SH3GL3: variants seen among roughly 807,000 people sequenced by gnomAD.
SH3GL3 encodes endophilin-A3.
SH3GL3 carries 33 observed loss-of-function variants against 47.7 expected under a neutral mutation model. The ratio of observed to expected loss-of-function variants is 0.69; its 90% CI spans 0.52 to 0.92. The LOEUF (loss-of-function observed/expected upper bound fraction) is 0.92, where lower values mean the gene tolerates loss of function less well. SH3GL3 is among the 40% of genes least tolerant of loss of function. The pLI is 0.00. For missense variants in SH3GL3, 363 were observed against 417.8 expected (o/e 0.87, Z 1.14); for synonymous variants, 155 against 148.8 (o/e 1.04, Z -0.30).
chr15:83,592,090 C>A (rs1291129011), intron 8 of SH3GL3, among the ~76,000 whole-genome samples: 1 of 152,206 alleles, frequency 6.6e-6, no homozygotes, highest in African/African-American at 2.4e-5. Flanking sequence ...ACTTTCAACT[C>A]TTTTACATAT....
intron 2 of SH3GL3, among the ~76,000 whole-genome samples, chr15:83,564,318 C>T (rs998383587): frequency 1.5e-4 from 23 of 152,262 alleles, no homozygotes; most frequent in Middle Eastern, 3.4e-3. Context: ...CATATCTTTA[C>T]AAAATTGAGT....
At chr15:83,508,523 G>C (rs1026064583) in intron 1 of SH3GL3, among the ~76,000 whole-genome samples, 5 of 152,090 alleles carry the variant, frequency 3.3e-5, no homozygotes, top group Non-Finnish European at 7.4e-5. Context: ...GACTGACACT[G>C]AGTGAAGAGA....
At chr15:83,555,668 A>G (rs988488531) in intron 1 of SH3GL3, among the ~76,000 whole-genome samples, 1 of 152,144 alleles carries the variant, frequency 6.6e-6, no homozygotes, top group East Asian at 1.9e-4. Context: ...AGCATCAGAC[A>G]GGGGTTTACA....
chr15:83,495,700 G>A (rs1454360693), intron 1 of SH3GL3, among the ~76,000 whole-genome samples: 1 of 152,106 alleles, frequency 6.6e-6, no homozygotes, highest in Non-Finnish European at 1.5e-5. Context: ...TTGCACCACT[G>A]CACTCCAGCC....
intron 8 of SH3GL3, among the ~76,000 whole-genome samples, chr15:83,597,908 C>T (rs944634907): frequency 7.9e-5 from 12 of 152,132 alleles, no homozygotes; most frequent in Non-Finnish European, 1.5e-4. Context: ...ACGCCTGGCC[C>T]TTAATTATGC....
rs140576506 is a variant in SH3GL3, at chr15:83,552,095, C to T, written c.46-7158C>T. ...ATCTCTATTACAGAATAGTATTGAT[C>T]TCATTGTGGATTGCTGTTTGTGTTT... is the stretch of plus-strand genomic sequence containing the variant. On this transcript the variant is annotated intron_variant, in intron 1 of 8. Transcript: ENST00000427482. Among the ~76,000 whole-genome samples, 652 of 152,208 alleles carry T rather than the reference C, an allele frequency of 4.3e-3. 4 individuals are homozygous for T. The highest frequency in any genetic ancestry group is 0.014 in the African/African-American group (594 of 41,536).
the SH3GL3 span, among the ~76,000 whole-genome samples, chr15:83,629,420 T>C: frequency 2.6e-5 from 4 of 152,252 alleles, no homozygotes. Flanking sequence ...TCAATTTATT[T>C]CCAACAAAGG....
At chr15:83,616,414 C>G (rs1026270598) in intron 8 of SH3GL3, among the ~76,000 whole-genome samples, 1 of 151,870 alleles carries the variant, frequency 6.6e-6, no homozygotes, top group Non-Finnish European at 1.5e-5. Flanking sequence ...CCACCACGCC[C>G]GGCTAATTTT....
At chr15:83,538,325 A>G (rs2151694728) in intron 1 of SH3GL3, among the ~76,000 whole-genome samples, 1 of 152,368 alleles carries the variant, frequency 6.6e-6, no homozygotes, top group Non-Finnish European at 1.5e-5. Flanking sequence ...AATATTAAAC[A>G]CATTGAATGC....
At chr15:83,565,270 G>T in intron 3 of SH3GL3, 64 bp downstream of exon 3, 1 of 901,386 alleles carries the variant, frequency 1.1e-6, no homozygotes, top group South Asian at 1.4e-5. Flanking sequence ...TGTTTACTTG[G>T]TGTTTAGTTG....
chr15:83,537,972 A>G (rs369614530), intron 1 of SH3GL3, among the ~76,000 whole-genome samples: 1 of 152,112 alleles, frequency 6.6e-6, no homozygotes, highest in African/African-American at 2.4e-5. Flanking sequence ...TCTTGATTCA[A>G]TTTCTGTAAT....
Position 83,571,073 on chromosome 15 carries a change from G to T in SH3GL3, c.332-1492G>T, listed in dbSNP as rs2045790934. 1.3e-5 allele frequency among the ~76,000 whole-genome samples: 2 copies of T among 152,330 alleles called. 1 individual carries two copies. The highest frequency in any genetic ancestry group is 4.1e-4 in the South Asian group (2 of 4,832). ...GGATTTCTGCTCTTCCAAGGAAGAGGCTGTGCCGTTGGATGTTTTCTTTTG... is the reference window on the plus strand; with the variant it reads ...GGATTTCTGCTCTTCCAAGGAAGAGTCTGTGCCGTTGGATGTTTTCTTTTG... On this transcript the variant is annotated intron_variant, in intron 4 of 8. Transcript: ENST00000427482.
At chr15:83,535,937 A>C (rs2043881148) in intron 1 of SH3GL3, among the ~76,000 whole-genome samples, 1 of 152,344 alleles carries the variant, frequency 6.6e-6, no homozygotes, top group African/African-American at 2.4e-5. Context: ...TGGAAACTAG[A>C]GAAGGGCATT....
chr15:83,581,745 T>A (rs552484644), intron 6 of SH3GL3, among the ~76,000 whole-genome samples: 22 of 152,260 alleles, frequency 1.4e-4, no homozygotes, highest in African/African-American at 5.3e-4. Context: ...TTTTATCTAT[T>A]TTCTCATCTA....
chr15:83,610,053 T>C (rs2060621968), intron 8 of SH3GL3, among the ~76,000 whole-genome samples: 2 of 152,186 alleles, frequency 1.3e-5, no homozygotes, highest in Non-Finnish European at 2.9e-5. Flanking sequence ...ATCCCTCAAG[T>C]GCGACAGGCA....
chr15:83,590,092 C>T (rs2151810471), intron 8 of SH3GL3, among the ~76,000 whole-genome samples: 1 of 152,078 alleles, frequency 6.6e-6, no homozygotes, highest in Admixed American at 6.5e-5. Context: ...CTGTTTATGT[C>T]ATTTATTTGT....
chr15:83,516,053 G>A (rs953004176), intron 1 of SH3GL3, among the ~76,000 whole-genome samples: 4 of 149,988 alleles, frequency 2.7e-5, no homozygotes, highest in Admixed American at 1.3e-4. Flanking sequence ...ATAGTATTTA[G>A]TGATGTACAC....
At chr15:83,479,249 A>G (rs952740291) in intron 1 of SH3GL3, among the ~76,000 whole-genome samples, 2 of 152,230 alleles carry the variant, frequency 1.3e-5, no homozygotes, top group Middle Eastern at 3.4e-3. Context: ...GTGGGTTAGT[A>G]TATCTGGGCT....
intron 1 of SH3GL3, among the ~76,000 whole-genome samples, chr15:83,483,000 A>G (rs1303180332): frequency 6.6e-6 from 1 of 152,122 alleles, no homozygotes; most frequent in Non-Finnish European, 1.5e-5. Flanking sequence ...GAATCAGTGC[A>G]CTGTTTTGAC....
Sources: gnomAD v4.1 joint callset for allele counts (sites outside exome capture counted in the v4.1 genomes callset) on GRCh38, gnomAD v4.1.1 for gene constraint, MANE v1.5 for transcripts, NCBI Gene and HGNC (gene_info 2026-07-23, HGNC 2026-07-21) for gene names.